SYNGR3: variants seen among roughly 807,000 people sequenced by gnomAD.
SYNGR3 encodes the protein synaptogyrin-3.
SYNGR3 carries 10 observed loss-of-function variants against 18.5 expected under a neutral mutation model. The observed-to-expected ratio is 0.54, with a 90% confidence interval of 0.33 to 0.92. SYNGR3 has a LOEUF of 0.92. SYNGR3 is among the 40% of genes least tolerant of loss of function. The pLI is 0.02. For missense variants in SYNGR3, 335 were observed against 332.8 expected (o/e 1.01, Z -0.05); for synonymous variants, 188 against 157.2 (o/e 1.20, Z -1.47).
chr16:1,992,597 C>T, intron 2 of SYNGR3, 39 bp from the exon 3 acceptor site: 4 of 1,575,904 alleles, frequency 2.5e-6, no homozygotes, highest in Non-Finnish European at 3.4e-6. Context: ...CGTGGGCCAC[C>T]GCGTGGAGCG....
rs1440665934 is a variant in SYNGR3, at chr16:1,990,054, G to A, written c.-49G>A. 11 of 847,140 alleles carry A rather than the reference G, an allele frequency of 1.3e-5. No homozygotes were observed. The highest frequency in any genetic ancestry group is 4.4e-4 in the Middle Eastern group (1 of 2,270). 52.5% of individuals were successfully genotyped at this position (847,140 alleles called of 1,614,324 possible). A position where few individuals can be genotyped will look rare whatever the true frequency, so the allele number is the denominator to read the frequency against. ...GGCCTCGGGCGGGGCCGGCCGGACG[G>A]ACAGGCGGACAGAAGGCGCCAGGGG... On this transcript the variant is annotated 5_prime_UTR_variant, in exon 1 of 4. Coordinates refer to ENST00000248121, the MANE Select transcript of SYNGR3 (RefSeq NM_004209.6).
chr16:1,992,546 G>A, intron 2 of SYNGR3, 90 bp from the exon 3 acceptor site: 1 of 1,471,612 alleles, frequency 6.8e-7, no homozygotes, highest in African/African-American at 1.5e-5. Flanking sequence ...GGCGCCCCAA[G>A]CCTCGGGCCC....
At position 1,990,128 on chromosome 16, in the gene SYNGR3, GCCGCGC is replaced by G; in HGVS notation, c.27_32del (p.Arg10_Ala11del). ...ATGGAGGGCGCCTCCTTCGGCGCGG[GCCGCGC>G]AGGGGCCGCCCTGGACCCCGTGAGC... On this transcript the variant is annotated inframe_deletion, in exon 1 of 4. Transcript: ENST00000248121. 8.2e-7 allele frequency: 1 copy of G among 1,221,444 alleles called. No individual in the cohort carries two copies. Among genetic ancestry groups the G allele is most frequent in the Non-Finnish European group, 1.0e-6 (1 of 980,694 alleles). The allele number at this position is 1,221,444 out of a possible 1,614,324, so 75.7% of individuals were successfully genotyped here.
intron 1 of SYNGR3, 123 bp downstream of exon 1, chr16:1,990,324 T>G: frequency 5.5e-5 from 18 of 328,160 alleles, no homozygotes; most frequent in East Asian, 2.5e-4. Context: ...CTCACTCTCA[T>G]CCTCGCCGGC....
chr16:1,993,413 G>A lies in SYNGR3; in HGVS notation c.*341G>A, dbSNP rs939862583. ...GGTTGGGGGTCCAGCTGCCCTCTAC[G>A]ATCAGGTGCAGGGGCTGCCCAGGAC... On this transcript the variant is annotated 3_prime_UTR_variant, in exon 4 of 4. Coordinates refer to ENST00000248121, the MANE Select transcript of SYNGR3 (RefSeq NM_004209.6). The A allele has an allele frequency of 3.6e-6, 2 of 557,914 alleles. No homozygotes were observed. The highest frequency in any genetic ancestry group is 4.2e-5 in the East Asian group (1 of 23,726). The allele number at this position is 557,914 out of a possible 1,614,324, so 34.6% of individuals were successfully genotyped here.
chr16:1,992,258 GGGGAGGGGGCGGGGCC>G, intron 2 of SYNGR3, 47 bp downstream of exon 2: 1 of 949,884 alleles, frequency 1.1e-6, no homozygotes. Flanking sequence ...CCGGGTGGGC[GGGGAGGGGGCGGGGCC>G]TGGGCGGGGA....
Position 1,992,598 on chromosome 16 carries a change from G to T in SYNGR3, c.338-38G>T, listed in dbSNP as rs181845301. 2,734 of 1,575,762 alleles carry T rather than the reference G, an allele frequency of 1.7e-3. 34 individuals are homozygous for T. The African/African-American group carries it at 0.032, about 18-fold the overall frequency. On this transcript the variant is annotated intron_variant, in intron 2 of 3. Transcript: ENST00000248121. The stretch of plus-strand genomic sequence containing the variant: ...CCGGGCGAGGCCGCCGTGGGCCACC[G>T]CGTGGAGCGTCGCCCTGACGCGCCG...
At chr16:1,990,263 C>CA in intron 1 of SYNGR3, 62 bp downstream of exon 1, 1 of 814,062 alleles carries the variant, frequency 1.2e-6, no homozygotes, top group South Asian at 5.6e-5. Context: ...AGGCCCCTAC[C>CA]AGCCCCCTGC....
At position 1,989,987 on chromosome 16, in the gene SYNGR3, A is replaced by G; in HGVS notation, c.-116A>G. 3.4e-6 allele frequency: 1 copy of G among 297,716 alleles called. No homozygotes were observed. The highest frequency in any genetic ancestry group is 5.6e-6 in the Non-Finnish European group (1 of 178,948). 18.4% of individuals were successfully genotyped at this position (297,716 alleles called of 1,614,324 possible). On this transcript the variant is annotated 5_prime_UTR_variant, in exon 1 of 4. Transcript: ENST00000248121. ...GCTCCCGGGAGGCGGCAGCGGCTGC[A>G]GCGTTGGTAGCATCAGCATCAGCAT... is the stretch of plus-strand genomic sequence containing the variant.
Position 1,992,965 on chromosome 16 carries a change from G to A in SYNGR3, c.583G>A (p.Gly195Ser), listed in dbSNP as rs1350239142. ...LSTGASQAYP[G>S]YPVGSGVEGT... ...CACCGGGGCGAGCCAGGCCTACCCC[G>A]GCTATCCGGTGGGCAGCGGCGTGGA... Residue 195 changes from glycine to serine, a missense_variant, in exon 4 of 4, where the codon GGC (glycine) becomes AGC (serine). Transcript: ENST00000248121. 3.1e-6 allele frequency: 5 copies of A among 1,611,706 alleles called. No individual in the cohort carries two copies. The Admixed American group carries it at 5.0e-5, about 16-fold the overall frequency.
At chr16:1,991,590 G>C (rs1275500717) in intron 1 of SYNGR3, 1 of 216,892 alleles carries the variant, frequency 4.6e-6, no homozygotes, top group African/African-American at 2.3e-5. Context: ...GCGGTGCAGA[G>C]TACCTGGCTT....
At chr16:1,990,339 C>T in intron 1 of SYNGR3, 138 bp downstream of exon 1, 3 of 436,834 alleles carry the variant, frequency 6.9e-6, no homozygotes. Flanking sequence ...GCCGGCCCCT[C>T]CCCCGCCGGC....
In SYNGR3 at chr16:1,990,146, T is replaced by G; in HGVS notation, c.44T>G (p.Leu15Arg). ...GGCGCGGGCCGCGCAGGGGCCGCCC[T>G]GGACCCCGTGAGCTTTGCGCGGCGG... ...SFGAGRAGAA[L>R]DPVSFARRPQ... Residue 15 changes from leucine (L) to arginine (R), a missense_variant, in exon 1 of 4, where the codon CTG becomes CGG. Physicochemically the swap from Leu to Arg is moderately radical, Grantham distance 102. Coordinates refer to ENST00000248121, the MANE Select transcript of SYNGR3 (RefSeq NM_004209.6). 8.0e-7 allele frequency: 1 copy of G among 1,248,804 alleles called. No individual in the cohort carries two copies. Among genetic ancestry groups the G allele is most frequent in the Middle Eastern group, 3.0e-4 (1 of 3,310 alleles). The allele number at this position is 1,248,804 out of a possible 1,614,324, so 77.4% of individuals were successfully genotyped here. A position where few individuals can be genotyped will look rare whatever the true frequency, so the allele number is the denominator to read the frequency against.
Position 1,993,220 on chromosome 16 carries a change from C to T in SYNGR3, c.*148C>T, listed in dbSNP as rs2083614660. The T allele has an allele frequency of 2.9e-6, 3 of 1,030,014 alleles. No individual in the cohort carries two copies. Among genetic ancestry groups the T allele is most frequent in the East Asian group, 5.2e-5 (2 of 38,346 alleles). 63.8% of individuals were successfully genotyped at this position (1,030,014 alleles called of 1,614,324 possible). On this transcript the variant is annotated 3_prime_UTR_variant, in exon 4 of 4. Coordinates refer to ENST00000248121, the MANE Select transcript of SYNGR3 (RefSeq NM_004209.6). ...CCATCCGGGGCCAAGAGGGGGTGGA[C>T]CCGCGTGTCTGGGCTGCCCCTGCCA...
In SYNGR3 at chr16:1,992,064, A is replaced by T. The variant is rs1457234835; in HGVS notation, c.190A>T (p.Asn64Tyr). ...CGAGCTGCGCTGCGTGTTCAACGGG[A>T]ACGCGGGCGCCTGCCGCTTCGGCGT... Reference protein sequence around the residue: ...GPELRCVFNGNAGACRFGVAL... With the variant: ...GPELRCVFNGYAGACRFGVAL... Residue 64 changes from asparagine (N) to tyrosine (Y), a missense_variant, in exon 2 of 4, where the codon AAC (asparagine) becomes TAC (tyrosine). Coordinates refer to ENST00000248121, the MANE Select transcript of SYNGR3 (RefSeq NM_004209.6). The T allele has an allele frequency of 6.4e-7, 1 of 1,571,288 alleles. No homozygotes were observed. Among genetic ancestry groups the T allele is most frequent in the Non-Finnish European group, 8.6e-7 (1 of 1,160,524 alleles).
chr16:1,993,960 G>A lies in SYNGR3; in HGVS notation c.*888G>A, dbSNP rs2083618232. On this transcript the variant is annotated 3_prime_UTR_variant, in exon 4 of 4. Transcript: ENST00000248121. ...CACCTGCACCCTGCTTCCTGGCCCA[G>A]TCCCAGGTTGGAGTCCCTCTGCATA... is the stretch of plus-strand genomic sequence containing the variant. The A allele has an allele frequency of 4.4e-6, 1 of 229,724 alleles. No individual in the cohort carries two copies. The highest frequency in any genetic ancestry group is 2.3e-5 in the African/African-American group (1 of 43,864). The allele number at this position is 229,724 out of a possible 1,614,324, so 14.2% of individuals were successfully genotyped here. A position where few individuals can be genotyped will look rare whatever the true frequency, so the allele number is the denominator to read the frequency against.
Position 1,991,870 on chromosome 16 carries a change from A to G in SYNGR3, c.100-104A>G, listed in dbSNP as rs970265678. The G allele has an allele frequency of 6.8e-5, 67 of 991,218 alleles. No individual in the cohort carries two copies. In the African/African-American group the frequency reaches 9.9e-4, roughly 15 times the overall value. The allele number at this position is 991,218 out of a possible 1,614,324, so 61.4% of individuals were successfully genotyped here. A position where few individuals can be genotyped will look rare whatever the true frequency, so the allele number is the denominator to read the frequency against. On this transcript the variant is annotated intron_variant, in intron 1 of 3. Coordinates refer to ENST00000248121, the MANE Select transcript of SYNGR3 (RefSeq NM_004209.6). ...AGAGGTGACACCGCCCCCCACCCAGATACGGGCCTGGGAACGCAGGGACAG... is the reference window on the plus strand; with the variant it reads ...AGAGGTGACACCGCCCCCCACCCAGGTACGGGCCTGGGAACGCAGGGACAG...
At position 1,993,837 on chromosome 16, in the gene SYNGR3, G is replaced by A. The variant is rs1255774858; in HGVS notation, c.*765G>A. 3.0e-6 allele frequency: 1 copy of A among 336,284 alleles called. No homozygotes were observed. The highest frequency in any genetic ancestry group is 8.1e-5 in the East Asian group (1 of 12,270). The allele number at this position is 336,284 out of a possible 1,614,324, so 20.8% of individuals were successfully genotyped here. ...CCAGGCAAGACAAGCCCCTCAGCAG[G>A]AGAGAGGCCCAGAGGCTCCAGCTGG... On this transcript the variant is annotated 3_prime_UTR_variant, in exon 4 of 4. Coordinates refer to ENST00000248121, the MANE Select transcript of SYNGR3 (RefSeq NM_004209.6).
At chr16:1,990,778 C>T (rs1364375825) in intron 1 of SYNGR3, 1 of 186,364 alleles carries the variant, frequency 5.4e-6, no homozygotes, top group Non-Finnish European at 1.2e-5. Flanking sequence ...TGGGAGGGCC[C>T]TGCTGCTCCT....
Sources: gnomAD v4.1 joint callset for allele counts on GRCh38, gnomAD v4.1.1 for gene constraint, MANE v1.5 for transcripts, NCBI Gene and HGNC (gene_info 2026-07-23, HGNC 2026-07-21) for gene names.